The following MYH9 variants were observed in gnomAD, a reference collection of about 807,000 sequenced individuals.
The protein encoded by MYH9 is myosin-9.
MYH9 carries 29 observed loss-of-function variants against 241.9 expected under a neutral mutation model. The ratio of observed to expected loss-of-function variants is 0.12; its 90% confidence interval spans 0.09 to 0.16. The LOEUF (loss-of-function observed/expected upper bound fraction) is 0.16, where lower values mean the gene tolerates loss of function less well. Ranked by LOEUF, MYH9 falls within the 10% of genes least tolerant of loss-of-function variation. The pLI is 1.00. For missense variants in MYH9, 1,803 were observed against 2,595.5 expected, an observed-to-expected ratio of 0.69 and a Z score of 6.63; for synonymous variants, 1,047 against 1,062.6, an observed-to-expected ratio of 0.99 and a Z score of 0.29.
In MYH9 at chr22:36,306,338, T is replaced by C; in HGVS notation, c.2037+76A>G. On this transcript the variant is annotated intron_variant, in intron 16 of 40. Transcript: ENST00000216181. The surrounding 1 kb of genome is among the most constrained non-coding windows in gnomAD (Gnocchi z 4.1). ...TGCTGGGGGGCTGGAGGGGTGCTTT[T>C]GCTGGGGAGACAGACAAGGGCTGAG... 6.3e-7 allele frequency: 1 copy of C among 1,575,460 alleles called. No homozygotes were observed. The highest frequency in any genetic ancestry group is 2.3e-5 in the East Asian group (1 of 43,980).
At chr22:36,360,953 G>A (rs1348422842) in intron 1 of MYH9, among the ~76,000 whole-genome samples, 1 of 152,118 alleles carries the variant, frequency 6.6e-6, no homozygotes, top group Non-Finnish European at 1.5e-5. Flanking sequence ...TCTGCTCACA[G>A]GTATGCACAA....
At chr22:36,368,074 C>T (rs2146413402) in intron 1 of MYH9, among the ~76,000 whole-genome samples, 1 of 152,314 alleles carries the variant, frequency 6.6e-6, no homozygotes, top group South Asian at 2.1e-4. Context: ...GTCAGGCCAA[C>T]CTGGAGGTAA....
At chr22:36,341,653 G>T in intron 2 of MYH9, 127 bp from the exon 3 acceptor site, 2 of 1,069,974 alleles carry the variant, frequency 1.9e-6, no homozygotes, top group Non-Finnish European at 2.8e-6. Context: ...GGCACTCCCT[G>T]ATGGCCCTTG....
At position 36,296,923 on chromosome 22, in the gene MYH9, G is replaced by A. The variant is rs144807538; in HGVS notation, c.3192C>T (p.Ile1064=). 8.9e-4 allele frequency: 1,429 copies of A among 1,614,018 alleles called. 1 individual carries two copies. The highest frequency in any genetic ancestry group is 1.1e-3 in the Non-Finnish European group (1,325 of 1,179,974). Residue 1064 remains isoleucine, a synonymous_variant, in exon 25 of 41, where the codon ATC becomes ATT. Transcript: ENST00000216181. ...EGDSTDLSDQ[I]AELQAQIAEL... ...CCGCGATCTGGGCCTGGAGCTCGGC[G>A]ATCTGGTCGCTGAGGTCTGTGGAGT...
chr22:36,355,719 CAGACAAGGCACAAAACCT>C (rs1028171315), intron 1 of MYH9, among the ~76,000 whole-genome samples: 22 of 152,174 alleles, frequency 1.4e-4, no homozygotes, highest in African/African-American at 5.3e-4. Flanking sequence ...AAATGGGGCT[CAGACAAGGCACAAAACCT>C]AGGGTCAGAC....
At chr22:36,373,157 C>A (rs931919865) in intron 1 of MYH9, among the ~76,000 whole-genome samples, 1 of 152,172 alleles carries the variant, frequency 6.6e-6, no homozygotes, top group Non-Finnish European at 1.5e-5. Context: ...TCACACCATC[C>A]TGGAAAAGGC....
rs985318303 is a variant in MYH9, at chr22:36,322,593, G to C, written c.613-72C>G. 6 of 1,447,578 alleles carry C rather than the reference G, an allele frequency of 4.1e-6. No individual in the cohort carries two copies. In the African/African-American group the frequency reaches 7.0e-5, roughly 17 times the overall value. The allele number at this position is 1,447,578 out of a possible 1,614,324, so 89.7% of individuals were successfully genotyped here. A position where few individuals can be genotyped will look rare whatever the true frequency, so the allele number is the denominator to read the frequency against. On this transcript the variant is annotated intron_variant, in intron 5 of 40. Coordinates refer to ENST00000216181, the MANE Select transcript of MYH9 (RefSeq NM_002473.6). ...CTGCCGAGCCTGCCCTGCCTGGAAG[G>C]GGGACGATGGCAGAGCCGTGTCAGC...
Position 36,282,138 on chromosome 22 carries a change from C to T in MYH9, c.*530G>A, listed in dbSNP as rs2016500048. Reference sequence around the variant, plus strand: ...GGCCCAGGGCCTGCTCCTTCTGGACCGCCCAGAGCCATGGGAGTGGGAGGC... The same window carrying T: ...GGCCCAGGGCCTGCTCCTTCTGGACTGCCCAGAGCCATGGGAGTGGGAGGC... On this transcript the variant is annotated 3_prime_UTR_variant, in exon 41 of 41. Coordinates refer to ENST00000216181, the MANE Select transcript of MYH9 (RefSeq NM_002473.6). 5 of 266,186 alleles carry T rather than the reference C, an allele frequency of 1.9e-5. No homozygotes were observed. Among genetic ancestry groups the T allele is most frequent in the Admixed American group, 4.7e-5 (1 of 21,166 alleles). 16.5% of individuals were successfully genotyped at this position (266,186 alleles called of 1,614,324 possible).
chr22:36,288,413 C>G lies in MYH9; in HGVS notation c.4771G>C (p.Val1591Leu), dbSNP rs2146331302. 1.9e-6 allele frequency: 3 copies of G among 1,608,978 alleles called. No homozygotes were observed. Among genetic ancestry groups the G allele is most frequent in the Non-Finnish European group, 2.5e-6 (3 of 1,179,876 alleles). ...TCCAGCTCTGCCTCCATCTCCCGCA[C>G]CTGGGGGAAGGAACATCAACAACTT... ...EEKKKQLVRQ[V>L]REMEAELEDE... is the part of the protein sequence containing the mutation. Residue 1591 changes from valine (V) to leucine (L), a missense_variant and splice_region_variant, in exon 34 of 41, where the codon GTG (valine) becomes CTG (leucine). This residue lies in a region of MYH9 where 876 missense variants were observed against 1,077.8 expected (regional missense o/e 0.81). Coordinates refer to ENST00000216181, the MANE Select transcript of MYH9 (RefSeq NM_002473.6). The surrounding 1 kb of genome is among the most constrained non-coding windows in gnomAD (Gnocchi z 4.8).
chr22:36,303,959 C>A, intron 19 of MYH9, 36 bp downstream of exon 19: 1 of 1,611,334 alleles, frequency 6.2e-7, no homozygotes, highest in Non-Finnish European at 8.5e-7. Context: ...GTGGCAAGGC[C>A]TGGCATGCGG....
chr22:36,285,435 T>C lies in MYH9; in HGVS notation c.5275-106A>G, dbSNP rs2016563605. ...GCAGGATCCCACCAAACCCTTGGGG[T>C]CCAGAGTCTTGGGTCTCCCAGAAAA... On this transcript the variant is annotated intron_variant, in intron 37 of 40. Coordinates refer to ENST00000216181, the MANE Select transcript of MYH9 (RefSeq NM_002473.6). The surrounding 1 kb of genome is among the most constrained non-coding windows in gnomAD (Gnocchi z 7.0). The C allele has an allele frequency of 7.2e-7, 1 of 1,382,580 alleles. No individual in the cohort carries two copies. The highest frequency in any genetic ancestry group is 1.0e-6 in the Non-Finnish European group (1 of 985,922). 85.6% of individuals were successfully genotyped at this position (1,382,580 alleles called of 1,614,324 possible). A position where few individuals can be genotyped will look rare whatever the true frequency, so the allele number is the denominator to read the frequency against.
chr22:36,289,164 G>A lies in MYH9; in HGVS notation c.4478C>T (p.Ala1493Val), dbSNP rs371535403. Reference sequence around the variant, plus strand: ...CTGCTTGTTGAGCCGCTCCAGCTCCGCCTTCTGCTCCATGGCTTCCTCCAG... The same window carrying A: ...CTGCTTGTTGAGCCGCTCCAGCTCCACCTTCTGCTCCATGGCTTCCTCCAG... ...RALEEAMEQK[A>V]ELERLNKQFR... The change falls in exon 32 of 41, where the codon GCG becomes GTG. Residue 1493 changes from alanine (A) to valine (V), a missense_variant. Physicochemically the swap from Ala to Val is moderately conservative, Grantham distance 64 (BLOSUM62 0). Coordinates refer to ENST00000216181, the MANE Select transcript of MYH9 (RefSeq NM_002473.6). 1.9e-6 allele frequency: 3 copies of A among 1,613,716 alleles called. No homozygotes were observed. The highest frequency in any genetic ancestry group is 1.7e-5 in the Admixed American group (1 of 60,008).
chr22:36,288,197 G>A lies in MYH9; in HGVS notation c.4932+55C>T. 1 of 1,606,064 alleles carries A rather than the reference G, an allele frequency of 6.2e-7. No individual in the cohort carries two copies. Among genetic ancestry groups the A allele is most frequent in the South Asian group, 1.1e-5 (1 of 90,906 alleles). On this transcript the variant is annotated intron_variant, in intron 34 of 40. Transcript: ENST00000216181. This position sits in a 1 kb window ranked among gnomAD's most constrained non-coding sequence, Gnocchi z 4.8. Reference sequence around the variant, plus strand: ...GGGCCGAGCCCTGGCACCTTCATATGTAGTTGGCTCAGTCGGGTGCCGCCC... The same window carrying A: ...GGGCCGAGCCCTGGCACCTTCATATATAGTTGGCTCAGTCGGGTGCCGCCC...
intron 24 of MYH9, among the ~76,000 whole-genome samples, chr22:36,297,743 T>A (rs983437897): frequency 2.0e-4 from 30 of 152,354 alleles, no homozygotes; most frequent in Admixed American, 8.5e-4. Flanking sequence ...GCTGTGTTCA[T>A]CGCACGCTCT....
intron 1 of MYH9, among the ~76,000 whole-genome samples, chr22:36,382,926 G>A (rs74277063): frequency 5.3e-5 from 8 of 152,010 alleles, no homozygotes; most frequent in African/African-American, 1.7e-4. Context: ...GCACCTCCTC[G>A]GAAATCAAAC....
intron 3 of MYH9, among the ~76,000 whole-genome samples, chr22:36,332,107 C>A (rs11704382): frequency 0.049 from 7,486 of 152,140 alleles, 256 homozygotes; most frequent in East Asian, 0.085. Flanking sequence ...CCTCACGCAC[C>A]CCAGGACTCC....
intron 1 of MYH9, among the ~76,000 whole-genome samples, chr22:36,356,832 G>A (rs2017864903): frequency 6.6e-6 from 1 of 152,228 alleles, no homozygotes; most frequent in East Asian, 1.9e-4. Flanking sequence ...CAGAAAGCAA[G>A]CTCCTGGGCT....
At chr22:36,286,137 T>A in intron 35 of MYH9, 184 bp from the exon 36 acceptor site, 1 of 647,798 alleles carries the variant, frequency 1.5e-6, no homozygotes, top group Non-Finnish European at 2.7e-6. Context: ...AAACACCATA[T>A]GTTTATAAAA....
In MYH9 at chr22:36,329,760, T is replaced by G. The variant is rs561486324; in HGVS notation, c.491-2272A>C. ...GAGCCCCCAAACACACTCGAGGGCA[T>G]GCACACAGAGGCGCACGCACGCACA... On this transcript the variant is annotated intron_variant, in intron 3 of 40. Transcript: ENST00000216181. The surrounding 1 kb of genome is among the most constrained non-coding windows in gnomAD (Gnocchi z 4.1). 1.3e-5 allele frequency among the ~76,000 whole-genome samples: 2 copies of G among 152,320 alleles called. No individual in the cohort carries two copies. The highest frequency in any genetic ancestry group is 4.1e-4 in the South Asian group (2 of 4,830).
Sources: gnomAD v4.1 joint callset for allele counts (sites outside exome capture counted in the v4.1 genomes callset) on GRCh38, gnomAD v4.1.1 for gene constraint, gnomAD v4.1.1 regional missense constraint, Gnocchi (gnomAD v3.1) non-coding constraint, MANE v1.5 for transcripts, NCBI Gene and HGNC (gene_info 2026-07-23, HGNC 2026-07-21) for gene names.